ARMC2: variants seen among roughly 807,000 people sequenced by gnomAD.
ARMC2 encodes the protein armadillo repeat containing 2, also known as armadillo repeat-containing protein 2.
ARMC2 carries 67 observed loss-of-function variants against 90.3 expected under a neutral mutation model. That is an observed-to-expected ratio of 0.74 (90% CI 0.61 to 0.91). The LOEUF is 0.91. Among genes scored for constraint, ARMC2 ranks in the 40% least tolerant of loss-of-function variants. The pLI is 0.00. For missense variants in ARMC2, 920 were observed against 1,030.9 expected (o/e 0.89, Z 1.47); for synonymous variants, 393 against 393.0 (o/e 1.00, Z 0.00).
At chr6:109,052,505 T>G in the ARMC2 span, among the ~76,000 whole-genome samples, 1 of 152,182 alleles carries the variant, frequency 6.6e-6, no homozygotes, top group Non-Finnish European at 1.5e-5. Context: ...AGATCAAACA[T>G]TACTTAAAAT....
chr6:109,014,268 C>T, the ARMC2 span, among the ~76,000 whole-genome samples: 1 of 152,142 alleles, frequency 6.6e-6, no homozygotes, highest in Admixed American at 6.5e-5. Flanking sequence ...GTCAGGTTTT[C>T]TAGGCTGATA....
chr6:108,957,445 G>A (rs758553261), intron 13 of ARMC2, among the ~76,000 whole-genome samples: 44 of 152,216 alleles, frequency 2.9e-4, no homozygotes, highest in Non-Finnish European at 5.3e-4. Context: ...GCAACGCAGG[G>A]CCAGTGCTGG....
the ARMC2 span, chr6:109,009,498 G>GAGCGCTGGGCAGCCGGCC: frequency 1.5e-5 from 18 of 1,224,350 alleles, no homozygotes; most frequent in South Asian, 3.5e-5. Context: ...CGGAGGCGGC[G>GAGCGCTGGGCAGCCGGCC]AGCGCTGGGC....
chr6:108,922,036 A>C (rs971989911), intron 10 of ARMC2, among the ~76,000 whole-genome samples: 11 of 152,248 alleles, frequency 7.2e-5, no homozygotes, highest in African/African-American at 2.7e-4. Flanking sequence ...CTCTGATGGC[A>C]GGTTGCCTTC....
downstream of ARMC2, among the ~76,000 whole-genome samples, chr6:108,974,629 C>A (rs1412873525): frequency 6.6e-6 from 1 of 152,048 alleles, no homozygotes; most frequent in African/African-American, 2.4e-5. Flanking sequence ...GCCTGGGCAA[C>A]AAAGTGAGAC....
chr6:108,963,154 T>C (rs1468456569), intron 15 of ARMC2, among the ~76,000 whole-genome samples: 1 of 152,264 alleles, frequency 6.6e-6, no homozygotes, highest in Non-Finnish European at 1.5e-5. Flanking sequence ...TGGAATGTAA[T>C]GTTTTATTTC....
At chr6:108,895,482 C>CAAAAA (rs58785510) in intron 6 of ARMC2, among the ~76,000 whole-genome samples, 1 of 100,288 alleles carries the variant, frequency 1.0e-5, no homozygotes, top group Non-Finnish European at 1.9e-5. Context: ...AGACTCATCT[C>CAAAAA]AAAAAAAAAA....
chr6:109,025,265 A>C, the ARMC2 span, among the ~76,000 whole-genome samples: 3 of 152,256 alleles, frequency 2.0e-5, no homozygotes, highest in Non-Finnish European at 2.9e-5. Flanking sequence ...CACAAGGTGG[A>C]TCACACATAA....
intron 5 of ARMC2, among the ~76,000 whole-genome samples, chr6:108,889,035 G>A (rs900385557): frequency 3.9e-5 from 6 of 152,026 alleles, no homozygotes; most frequent in Non-Finnish European, 7.4e-5. Flanking sequence ...CTTGCCCTGG[G>A]CACTTATCCC....
At chr6:108,923,360 A>G (rs903315594) in intron 10 of ARMC2, among the ~76,000 whole-genome samples, 2 of 151,864 alleles carry the variant, frequency 1.3e-5, no homozygotes, top group African/African-American at 4.8e-5. Context: ...GCTTTGGTTA[A>G]CTCCTGCTTT....
chr6:109,024,313 T>C, the ARMC2 span, among the ~76,000 whole-genome samples: 67 of 152,240 alleles, frequency 4.4e-4, no homozygotes, highest in Middle Eastern at 6.8e-3. Context: ...ATTAAACTGA[T>C]AGCAGAGAAA....
chr6:108,904,671 A>G (rs973070160), intron 8 of ARMC2, among the ~76,000 whole-genome samples: 13 of 151,630 alleles, frequency 8.6e-5, no homozygotes, highest in African/African-American at 2.9e-4. Flanking sequence ...GAAGAAGAAG[A>G]AGGAAGGAAG....
At chr6:108,994,807 A>G in the ARMC2 span, among the ~76,000 whole-genome samples, 1 of 144,124 alleles carries the variant, frequency 6.9e-6, no homozygotes, top group African/African-American at 2.6e-5. Flanking sequence ...GGTTCACGCC[A>G]TTCTCCTGCC....
intron 7 of ARMC2, among the ~76,000 whole-genome samples, chr6:108,901,533 T>C (rs985812205): frequency 6.6e-6 from 1 of 152,032 alleles, no homozygotes; most frequent in Non-Finnish European, 1.5e-5. Flanking sequence ...CTTGTGCCTC[T>C]GCTTCCTCAG....
At chr6:109,033,705 T>G in the ARMC2 span, among the ~76,000 whole-genome samples, 1 of 152,118 alleles carries the variant, frequency 6.6e-6, no homozygotes, top group Non-Finnish European at 1.5e-5. Context: ...AGAGCAAAAT[T>G]TGATAATATG....
the ARMC2 span, among the ~76,000 whole-genome samples, chr6:108,993,809 C>G: frequency 2.0e-5 from 3 of 152,004 alleles, no homozygotes; most frequent in African/African-American, 7.3e-5. Context: ...GAATGCCTGG[C>G]TTCAAGGTGA....
the ARMC2 span, chr6:108,998,897 C>A: frequency 1.1e-6 from 1 of 942,984 alleles, no homozygotes; most frequent in East Asian, 2.8e-5. Context: ...CATGTAGAAC[C>A]CAGAATTTGC....
At chr6:108,898,241 T>C (rs573439608) in intron 6 of ARMC2, among the ~76,000 whole-genome samples, 1 of 152,126 alleles carries the variant, frequency 6.6e-6, no homozygotes, top group South Asian at 2.1e-4. Context: ...ACCCGTTTGC[T>C]CCTCTGTCTG....
the ARMC2 span, among the ~76,000 whole-genome samples, chr6:109,030,458 A>T: frequency 6.6e-6 from 1 of 152,208 alleles, no homozygotes; most frequent in African/African-American, 2.4e-5. Context: ...TATCCAATGT[A>T]TCAATAGATG....
Sources: gnomAD v4.1 joint callset for allele counts (sites outside exome capture counted in the v4.1 genomes callset) on GRCh38, gnomAD v4.1.1 for gene constraint, MANE v1.5 for transcripts, NCBI Gene and HGNC (gene_info 2026-07-23, HGNC 2026-07-21) for gene names.